BICRA: variants seen among roughly 807,000 people sequenced by gnomAD.
BICRA encodes the protein BRD4 interacting chromatin remodeling complex associated protein.
Under a neutral mutation model 96.9 loss-of-function variants are expected in BICRA, and 31 were observed. The ratio of observed to expected loss-of-function variants is 0.32; its 90% CI spans 0.24 to 0.43. The LOEUF is 0.43. Among genes scored for constraint, BICRA ranks in the 20% least tolerant of loss-of-function variants. The pLI, the probability that BICRA is intolerant of heterozygous loss-of-function variation, is 1.00. For missense variants in BICRA, 2,283 were observed against 2,190.3 expected, an observed-to-expected ratio of 1.04 and a Z score of -0.84; for synonymous variants, 1,350 against 1,071.8, an observed-to-expected ratio of 1.26 and a Z score of -5.07.
chr19:47,701,925 C>T lies in BICRA; in HGVS notation c.4193C>T (p.Pro1398Leu). 1.4e-6 allele frequency: 2 copies of T among 1,433,022 alleles called. No individual in the cohort carries two copies. Among genetic ancestry groups the T allele is most frequent in the Non-Finnish European group, 1.8e-6 (2 of 1,102,690 alleles). 88.8% of individuals were successfully genotyped at this position (1,433,022 alleles called of 1,614,324 possible). ...RKTYRENVGG[P>L]GAPEGTPAGR... ...ACCTACCGCGAGAACGTGGGGGGCC[C>T]TGGCGCGCCGGAGGGGACGCCCGCA... Residue 1398 changes from proline (P) to leucine (L), a missense_variant, in exon 15 of 15, where the codon CCT (proline) becomes CTT (leucine). Coordinates refer to ENST00000594866, the MANE Select transcript of BICRA (RefSeq NM_001394372.1). This position sits in a 1 kb window ranked among gnomAD's most constrained non-coding sequence, Gnocchi z 5.4.
chr19:47,694,630 A>T lies in BICRA; in HGVS notation c.2799A>T (p.Ala933=). 1 of 1,427,960 alleles carries T rather than the reference A, an allele frequency of 7.0e-7. No homozygotes were observed. Among genetic ancestry groups the T allele is most frequent in the Non-Finnish European group, 9.4e-7 (1 of 1,062,522 alleles). 88.5% of individuals were successfully genotyped at this position (1,427,960 alleles called of 1,614,324 possible). A position where few individuals can be genotyped will look rare whatever the true frequency, so the allele number is the denominator to read the frequency against. Residue 933 remains alanine, a synonymous_variant, in exon 8 of 15, where the codon GCA becomes GCT. Coordinates refer to ENST00000594866, the MANE Select transcript of BICRA (RefSeq NM_001394372.1). Reference sequence around the variant, plus strand: ...CCCTCCACCTGGTCCCTGAGCCGGCAGCACCCCCCCCACCGCCTCCTCGGA... The same window carrying T: ...CCCTCCACCTGGTCCCTGAGCCGGCTGCACCCCCCCCACCGCCTCCTCGGA... The part of the protein sequence containing the change: ...PPTLHLVPEP[A]APPPPPPRTF...
At chr19:47,635,479 C>T (rs1972287500) in intron 1 of BICRA, among the ~76,000 whole-genome samples, 1 of 151,668 alleles carries the variant, frequency 6.6e-6, no homozygotes, top group Non-Finnish European at 1.5e-5. Flanking sequence ...TCTTGAACTC[C>T]TGGGCTCAAG....
In BICRA at chr19:47,678,912, T is replaced by A. The variant is rs188969440; in HGVS notation, c.151-409T>A. 1.4e-3 allele frequency: 255 copies of A among 187,522 alleles called. 4 individuals are homozygous for A. In the Admixed American group the frequency reaches 0.014, roughly 10 times the overall value. The allele number at this position is 187,522 out of a possible 1,614,324, so 11.6% of individuals were successfully genotyped here. On this transcript the variant is annotated intron_variant, in intron 5 of 14. Coordinates refer to ENST00000594866, the MANE Select transcript of BICRA (RefSeq NM_001394372.1). ...TTTCTTTTTTTCTTCTTTTTTTTTTTTTCTTCTCAAAGTCTTGCCCTGTCA... is the reference window on the plus strand; with the variant it reads ...TTTCTTTTTTTCTTCTTTTTTTTTTATTCTTCTCAAAGTCTTGCCCTGTCA...
chr19:47,683,046 A>C (rs1169167627), intron 7 of BICRA, among the ~76,000 whole-genome samples: 1 of 152,094 alleles, frequency 6.6e-6, no homozygotes, highest in Non-Finnish European at 1.5e-5. Flanking sequence ...AGCCAGTCTA[A>C]ATTGTTGTTA....
At position 47,702,270 on chromosome 19, in the gene BICRA, A is replaced by C. The variant is rs756377499; in HGVS notation, c.4538A>C (p.Gln1513Pro). The C allele has an allele frequency of 2.5e-6, 4 of 1,596,426 alleles. No homozygotes were observed. The highest frequency in any genetic ancestry group is 3.4e-6 in the Non-Finnish European group (4 of 1,177,220). Residue 1513 changes from glutamine (Q) to proline (P), a missense_variant, in exon 15 of 15, where the codon CAG becomes CCG. Physicochemically the swap from Gln to Pro is moderately conservative, Grantham distance 76. Transcript: ENST00000594866. ...ATCGACAGCATCCTGAACCTGCAGCAGGCCCCCGGCCGGACGCCCGCGCCC... is the reference window on the plus strand; with the variant it reads ...ATCGACAGCATCCTGAACCTGCAGCCGGCCCCCGGCCGGACGCCCGCGCCC... ...SAIDSILNLQ[Q>P]APGRTPAPSY...
intron 1 of BICRA, among the ~76,000 whole-genome samples, chr19:47,619,606 C>T (rs144824318): frequency 8.7e-4 from 131 of 150,480 alleles, no homozygotes; most frequent in African/African-American, 3.0e-3. Context: ...CAGTAAAATC[C>T]GCAGAGGGGC....
chr19:47,693,746 T>G (rs1973276738), intron 7 of BICRA, among the ~76,000 whole-genome samples: 1 of 152,140 alleles, frequency 6.6e-6, no homozygotes, highest in Non-Finnish European at 1.5e-5. Flanking sequence ...GTGGTGCCCC[T>G]GCTGCCACCG....
chr19:47,664,193 C>A (rs1315923920), intron 1 of BICRA, among the ~76,000 whole-genome samples: 1 of 152,166 alleles, frequency 6.6e-6, no homozygotes, highest in African/African-American at 2.4e-5. Context: ...GAGGTTACTC[C>A]AATTTATATT....
chr19:47,638,025 C>T (rs1038049620), intron 1 of BICRA, among the ~76,000 whole-genome samples: 1 of 152,150 alleles, frequency 6.6e-6, no homozygotes, highest in Admixed American at 6.6e-5. Flanking sequence ...GTGGCATTTC[C>T]AGCCCCTCTC....
chr19:47,667,297 G>A (rs1313224575), intron 1 of BICRA, among the ~76,000 whole-genome samples: 3 of 152,340 alleles, frequency 2.0e-5, no homozygotes, highest in Middle Eastern at 3.4e-3. Context: ...TTACAGGCGT[G>A]AGCCACAGCG....
At chr19:47,625,545 TACTG>T (rs1972128019) in intron 1 of BICRA, among the ~76,000 whole-genome samples, 1 of 152,136 alleles carries the variant, frequency 6.6e-6, no homozygotes. Flanking sequence ...CCCTAACTGA[TACTG>T]AATGATTGAG....
chr19:47,635,106 A>G (rs1185194811), intron 1 of BICRA, among the ~76,000 whole-genome samples: 1 of 152,172 alleles, frequency 6.6e-6, no homozygotes, highest in Non-Finnish European at 1.5e-5. Flanking sequence ...ATCAAAAGCA[A>G]CATAAATGTT....
chr19:47,695,343 C>CA, intron 9 of BICRA, 22 bp from the exon 10 acceptor site: 6 of 630,228 alleles, frequency 9.5e-6, no homozygotes, highest in South Asian at 3.9e-5. Context: ...GGCCCTGTCT[C>CA]CCCCACCCCA....
rs770929726 is a variant in BICRA at position 47,696,434 on chromosome 19, C to G, written c.3187-17C>G. On this transcript the variant is annotated splice_polypyrimidine_tract_variant and intron_variant, in intron 10 of 14. Transcript: ENST00000594866. Reference sequence around the variant, plus strand: ...CTTCTGGAGGCAAAGGCCTCTCACTCGCCTTTCTTCTCCCAGTATGAGAGC... The same window carrying G: ...CTTCTGGAGGCAAAGGCCTCTCACTGGCCTTTCTTCTCCCAGTATGAGAGC... 1 of 1,581,510 alleles carries G rather than the reference C, an allele frequency of 6.3e-7. No homozygotes were observed. Among genetic ancestry groups the G allele is most frequent in the East Asian group, 2.3e-5 (1 of 43,082 alleles).
At chr19:47,609,981 G>A (rs555937156) in intron 1 of BICRA, among the ~76,000 whole-genome samples, 1 of 152,142 alleles carries the variant, frequency 6.6e-6, no homozygotes, top group South Asian at 2.1e-4. Context: ...GGGGGTGAGC[G>A]CCTCCTGTCA....
rs1300100607 is a variant in BICRA, at chr19:47,701,651, G to A, written c.3919G>A (p.Gly1307Arg). Residue 1307 changes from glycine to arginine, a missense_variant, in exon 15 of 15, where the codon GGG becomes AGG. Coordinates refer to ENST00000594866, the MANE Select transcript of BICRA (RefSeq NM_001394372.1). The surrounding 1 kb of genome is among the most constrained non-coding windows in gnomAD (Gnocchi z 5.4). ...GACCTACGAGGCCCGGAGCCGCATC[G>A]GGCTCAAGCTCAAGATCAAGCAGGA... Reference protein sequence around the residue: ...IKTYEARSRIGLKLKIKQEAG... With the variant: ...IKTYEARSRIRLKLKIKQEAG... The A allele has an allele frequency of 1.9e-6, 3 of 1,597,792 alleles. No individual in the cohort carries two copies. The highest frequency in any genetic ancestry group is 1.7e-5 in the Admixed American group (1 of 58,104).
At chr19:47,623,167 C>T (rs1470890890) in intron 1 of BICRA, among the ~76,000 whole-genome samples, 3 of 151,912 alleles carry the variant, frequency 2.0e-5, no homozygotes, top group African/African-American at 4.8e-5. Flanking sequence ...CTTTTATTTT[C>T]ATTCCCCTCC....
chr19:47,627,234 A>G (rs1050743619), intron 1 of BICRA, among the ~76,000 whole-genome samples: 3 of 152,074 alleles, frequency 2.0e-5, no homozygotes, highest in African/African-American at 7.2e-5. Flanking sequence ...AGAGAGCAAT[A>G]TGTTCCTGAG....
At chr19:47,664,797 T>C (rs546626262) in intron 1 of BICRA, among the ~76,000 whole-genome samples, 3 of 152,330 alleles carry the variant, frequency 2.0e-5, no homozygotes, top group South Asian at 2.1e-4. Context: ...ATGTCCGCCC[T>C]GTTCTGGAAC....
Sources: gnomAD v4.1 joint callset for allele counts (sites outside exome capture counted in the v4.1 genomes callset) on GRCh38, gnomAD v4.1.1 for gene constraint, Gnocchi (gnomAD v3.1) non-coding constraint, MANE v1.5 for transcripts, NCBI Gene and HGNC (gene_info 2026-07-23, HGNC 2026-07-21) for gene names.